Variants in LRFN5 observed in about 807,000 individuals in gnomAD.
The protein encoded by LRFN5 is leucine rich repeat and fibronectin type III domain containing 5.
LRFN5 carries 24 observed loss-of-function variants against 45.6 expected under a neutral mutation model. The observed-to-expected ratio is 0.53, with a 90% CI of 0.38 to 0.74. The LOEUF (loss-of-function observed/expected upper bound fraction) is 0.74. Ranked by LOEUF, LRFN5 falls within the 30% of genes least tolerant of loss-of-function variation. The pLI, the probability that LRFN5 is intolerant of heterozygous loss-of-function variation, is 0.00. For missense variants in LRFN5, 776 were observed against 861.5 expected, an observed-to-expected ratio of 0.90 and a Z score of 1.24; for synonymous variants, 340 against 313.8, an observed-to-expected ratio of 1.08 and a Z score of -0.88.
At chr14:41,799,155 C>T (rs35483304) in intron 2 of LRFN5, among the ~76,000 whole-genome samples, 21,813 of 151,878 alleles carry the variant, frequency 0.14, 1,741 homozygotes, top group East Asian at 0.22. Context: ...ACTTAGCTCA[C>T]GGGTAAGTGC....
chr14:41,609,498 T>A (rs935768827), intron 1 of LRFN5, among the ~76,000 whole-genome samples: 2 of 152,092 alleles, frequency 1.3e-5, no homozygotes, highest in Non-Finnish European at 2.9e-5. Flanking sequence ...CAAATTTAGT[T>A]AACTTCCAAA....
At chr14:41,815,092 A>G (rs1200766914) in intron 2 of LRFN5, among the ~76,000 whole-genome samples, 1 of 152,072 alleles carries the variant, frequency 6.6e-6, no homozygotes, top group Non-Finnish European at 1.5e-5. Flanking sequence ...CTAGGTCCTT[A>G]CTGATTTTCT....
At chr14:41,739,376 C>T (rs1223254346) in intron 1 of LRFN5, among the ~76,000 whole-genome samples, 2 of 143,426 alleles carry the variant, frequency 1.4e-5, no homozygotes, top group African/African-American at 2.6e-5. Flanking sequence ...CAGAGCCAGA[C>T]ATTGTGTCAA....
intron 1 of LRFN5, among the ~76,000 whole-genome samples, chr14:41,672,063 C>T (rs2138661814): frequency 6.6e-6 from 1 of 152,310 alleles, no homozygotes; most frequent in African/African-American, 2.4e-5. Flanking sequence ...TATTCAAATT[C>T]TGATTCTACT....
intron 1 of LRFN5, among the ~76,000 whole-genome samples, chr14:41,624,480 A>G (rs1196921486): frequency 3.9e-5 from 6 of 152,156 alleles, no homozygotes; most frequent in Non-Finnish European, 8.8e-5. Context: ...CATATAGCAA[A>G]AAATAGAAAA....
At chr14:41,809,261 G>A (rs1309489762) in intron 2 of LRFN5, among the ~76,000 whole-genome samples, 2 of 152,072 alleles carry the variant, frequency 1.3e-5, no homozygotes, top group Non-Finnish European at 2.9e-5. Context: ...GAATAAAAAT[G>A]AGTCTAGTGT....
rs773625886 is a variant in LRFN5 at position 41,887,796 on chromosome 14, G to A, written c.1171G>A (p.Asp391Asn). 4 of 1,613,826 alleles carry A rather than the reference G, an allele frequency of 2.5e-6. No individual in the cohort carries two copies. Among genetic ancestry groups the A allele is most frequent in the African/African-American group, 1.3e-5 (1 of 74,920 alleles). ...TAGTACAAACCATATCCATGAGCCT[G>A]ATCCTGGTTCTTCAGATATCTCAAC... ...LNSTNHIHEP[D>N]PGSSDISTST... is the part of the protein sequence containing the mutation. The change falls in exon 3 of 6, where the codon GAT (aspartate) becomes AAT (asparagine). Residue 391 changes from aspartate (D) to asparagine (N), a missense_variant. Asp to Asn is a conservative substitution (Grantham distance 23, BLOSUM62 1). Transcript: ENST00000298119. This position sits in a 1 kb window ranked among gnomAD's most constrained non-coding sequence, Gnocchi z 4.8.
At chr14:41,868,280 T>A (rs1889905419) in intron 2 of LRFN5, among the ~76,000 whole-genome samples, 1 of 152,068 alleles carries the variant, frequency 6.6e-6, no homozygotes, top group Non-Finnish European at 1.5e-5. Flanking sequence ...GTTCTAAATA[T>A]TTGGCTAGTG....
At chr14:41,850,218 A>C (rs1046746885) in intron 2 of LRFN5, among the ~76,000 whole-genome samples, 2 of 151,990 alleles carry the variant, frequency 1.3e-5, no homozygotes, top group East Asian at 3.8e-4. Context: ...GAATACACAT[A>C]GGTAATGCAA....
intron 2 of LRFN5, among the ~76,000 whole-genome samples, chr14:41,862,239 G>A (rs1047266489): frequency 6.6e-6 from 1 of 152,038 alleles, no homozygotes; most frequent in African/African-American, 2.4e-5. Flanking sequence ...TTCCAAATAA[G>A]CAAACCAAAC....
chr14:41,667,037 TAAC>T (rs1345770873), intron 1 of LRFN5, among the ~76,000 whole-genome samples: 2 of 152,192 alleles, frequency 1.3e-5, no homozygotes, highest in African/African-American at 4.8e-5. Context: ...TTTACAGTCT[TAAC>T]AATTTTATTT....
intron 2 of LRFN5, among the ~76,000 whole-genome samples, chr14:41,804,881 C>T (rs1311658270): frequency 6.6e-6 from 1 of 151,948 alleles, no homozygotes; most frequent in Non-Finnish European, 1.5e-5. Flanking sequence ...CCTCTAATAC[C>T]AATAAACCTC....
chr14:41,796,227 ACAT>A (rs1420621375), intron 2 of LRFN5, among the ~76,000 whole-genome samples: 1 of 152,156 alleles, frequency 6.6e-6, no homozygotes, highest in African/African-American at 2.4e-5. Flanking sequence ...TTTATTAAAA[ACAT>A]CATTTTGCTT....
intron 3 of LRFN5, 36 bp downstream of exon 3, chr14:41,888,046 G>T: frequency 1.4e-6 from 2 of 1,476,658 alleles, no homozygotes; most frequent in African/African-American, 2.8e-5. Context: ...TACTTACCAT[G>T]CATCTTAGTG....
intron 2 of LRFN5, among the ~76,000 whole-genome samples, chr14:41,837,830 A>T (rs1888715365): frequency 6.6e-6 from 1 of 152,228 alleles, no homozygotes; most frequent in Non-Finnish European, 1.5e-5. Context: ...GAAGCTTGTA[A>T]TGCAAACCAA....
At chr14:41,609,280 A>G (rs1425672379) in intron 1 of LRFN5, among the ~76,000 whole-genome samples, 1 of 151,882 alleles carries the variant, frequency 6.6e-6, no homozygotes, top group Non-Finnish European at 1.5e-5. Context: ...CTCCAGCTGT[A>G]TTGTCCCCGT....
At chr14:41,711,765 G>T (rs758998522) in intron 1 of LRFN5, among the ~76,000 whole-genome samples, 2 of 152,102 alleles carry the variant, frequency 1.3e-5, no homozygotes, top group African/African-American at 2.4e-5. Flanking sequence ...ATAAAAAAAC[G>T]CATTATGAAT....
intron 4 of LRFN5, chr14:41,892,315 CTATA>C (rs1256699232): frequency 1.1e-6 from 1 of 902,410 alleles, no homozygotes; most frequent in South Asian, 5.1e-5. Context: ...ACATATATAA[CTATA>C]TATATGTATG....
intron 2 of LRFN5, among the ~76,000 whole-genome samples, chr14:41,884,820 G>A (rs1039920039): frequency 1.1e-4 from 16 of 151,988 alleles, no homozygotes; most frequent in African/African-American, 3.9e-4. Flanking sequence ...GGATTCCCTA[G>A]CTCAGGACAC....
Sources: gnomAD v4.1 joint callset for allele counts (sites outside exome capture counted in the v4.1 genomes callset) on GRCh38, gnomAD v4.1.1 for gene constraint, Gnocchi (gnomAD v3.1) non-coding constraint, MANE v1.5 for transcripts, NCBI Gene and HGNC (gene_info 2026-07-23, HGNC 2026-07-21) for gene names.